The following PRKD1 variants were observed in gnomAD, a reference collection of about 807,000 sequenced individuals.
The protein encoded by PRKD1 is protein kinase D1.
Under a neutral mutation model 95.9 loss-of-function variants are expected in PRKD1, and 63 were observed. The ratio of observed to expected loss-of-function variants is 0.66; its 90% confidence interval spans 0.54 to 0.81. The LOEUF (loss-of-function observed/expected upper bound fraction) is 0.81. PRKD1 is among the 30% of genes least tolerant of loss of function. The pLI is 0.00. For synonymous variants in PRKD1, 425 were observed against 423.1 expected (o/e 1.00, Z -0.05); for missense variants, 1,048 against 1,165.3 (o/e 0.90, Z 1.47).
At chr14:29,648,692 T>C (rs1244459535) in intron 4 of PRKD1, among the ~76,000 whole-genome samples, 4 of 152,144 alleles carry the variant, frequency 2.6e-5, no homozygotes, top group Non-Finnish European at 5.9e-5. Context: ...TCTCGCTCTG[T>C]TGCCCAGGCT....
chr14:29,826,073 CATCA>C (rs753517928), intron 1 of PRKD1, among the ~76,000 whole-genome samples: 8 of 151,234 alleles, frequency 5.3e-5, no homozygotes, highest in South Asian at 4.2e-4. Flanking sequence ...CCTAAATGCC[CATCA>C]ATCAATGAGT....
At chr14:29,920,960 A>G (rs1441531548) in intron 1 of PRKD1, among the ~76,000 whole-genome samples, 4 of 152,134 alleles carry the variant, frequency 2.6e-5, no homozygotes, top group African/African-American at 9.7e-5. Context: ...ATTTCCAAGC[A>G]CCTTCCTTCT....
intron 1 of PRKD1, among the ~76,000 whole-genome samples, chr14:29,727,789 A>G (rs1387735296): frequency 6.6e-6 from 1 of 152,000 alleles, no homozygotes; most frequent in Non-Finnish European, 1.5e-5. Context: ...GACTGGATTA[A>G]GACAATGTGG....
intron 2 of PRKD1, among the ~76,000 whole-genome samples, chr14:29,686,014 C>T (rs1335502256): frequency 1.3e-5 from 2 of 152,020 alleles, no homozygotes; most frequent in African/African-American, 2.4e-5. Context: ...TCCATAGTAA[C>T]AGTATTATAA....
chr14:29,901,510 T>C (rs1894317020), intron 1 of PRKD1, among the ~76,000 whole-genome samples: 1 of 152,266 alleles, frequency 6.6e-6, no homozygotes, highest in South Asian at 2.1e-4. Context: ...TAGTAATCAA[T>C]AGTACAACAG....
intron 4 of PRKD1, among the ~76,000 whole-genome samples, chr14:29,642,397 A>G (rs565014036): frequency 1.3e-5 from 2 of 152,342 alleles, no homozygotes; most frequent in East Asian, 3.9e-4. Context: ...TTTGTTTGAT[A>G]TATCAAGCTA....
In PRKD1 at chr14:29,832,502, A is replaced by G. The variant is rs543498526; in HGVS notation, c.264+94747T>C. ...TTTAGTTTTTTTAATAGTATCCTTT[A>G]TTATACAGAGACTTTACTGGTGGTA... On this transcript the variant is annotated intron_variant, in intron 1 of 17. Transcript: ENST00000331968. Among the ~76,000 whole-genome samples, 3 of 152,068 alleles carry G rather than the reference A, an allele frequency of 2.0e-5. No individual in the cohort carries two copies. In the East Asian group the frequency reaches 5.8e-4, roughly 29 times the overall value.
At chr14:29,648,488 T>A (rs188042502) in intron 4 of PRKD1, among the ~76,000 whole-genome samples, 77 of 152,288 alleles carry the variant, frequency 5.1e-4, no homozygotes, top group African/African-American at 1.7e-3. Context: ...TATTAGAGTC[T>A]TTAAATTATT....
At chr14:29,740,817 A>C (rs187078954) in intron 1 of PRKD1, among the ~76,000 whole-genome samples, 26 of 152,348 alleles carry the variant, frequency 1.7e-4, no homozygotes, top group Admixed American at 1.7e-3. Context: ...TGTTCATTGC[A>C]GCACTATTCA....
chr14:29,920,436 A>G (rs543254775), intron 1 of PRKD1, among the ~76,000 whole-genome samples: 86 of 152,286 alleles, frequency 5.6e-4, no homozygotes, highest in Non-Finnish European at 7.6e-4. Context: ...AAATATAAAA[A>G]CAAAGCAAGG....
At chr14:29,675,974 T>G (rs1215228467) in intron 2 of PRKD1, among the ~76,000 whole-genome samples, 3 of 102,304 alleles carry the variant, frequency 2.9e-5, no homozygotes, top group South Asian at 4.1e-4. Context: ...CATCGGGGCC[T>G]GTCGTGGGGT....
chr14:29,673,865 T>C (rs1162725177), intron 2 of PRKD1, among the ~76,000 whole-genome samples: 1 of 152,184 alleles, frequency 6.6e-6, no homozygotes, highest in Non-Finnish European at 1.5e-5. Context: ...TCAGTAGTGA[T>C]AAAATGCATG....
chr14:29,822,349 A>G (rs1407637317), intron 1 of PRKD1, among the ~76,000 whole-genome samples: 1 of 152,214 alleles, frequency 6.6e-6, no homozygotes. Flanking sequence ...TCTTACGGGC[A>G]TTGCACAATT....
At chr14:29,911,289 A>T (rs970909872) in intron 1 of PRKD1, among the ~76,000 whole-genome samples, 2 of 152,214 alleles carry the variant, frequency 1.3e-5, no homozygotes, top group African/African-American at 4.8e-5. Flanking sequence ...TTTGTAAAGG[A>T]TACCATAATT....
chr14:29,701,486 T>A (rs991808180), intron 2 of PRKD1, among the ~76,000 whole-genome samples: 1 of 152,336 alleles, frequency 6.6e-6, no homozygotes, highest in East Asian at 1.9e-4. Context: ...TGAAATTTTT[T>A]CACAACGAAT....
intron 11 of PRKD1, 41 bp downstream of exon 11, chr14:29,629,000 A>G (rs772214043): frequency 1.5e-6 from 2 of 1,347,804 alleles, no homozygotes; most frequent in Admixed American, 4.8e-5. Context: ...ATTTTCCAGT[A>G]ATCACATTAG....
chr14:29,812,981 A>T (rs894915292), intron 1 of PRKD1, among the ~76,000 whole-genome samples: 1 of 152,046 alleles, frequency 6.6e-6, no homozygotes, highest in Non-Finnish European at 1.5e-5. Flanking sequence ...ATGGTGTCAC[A>T]TGCCTGTGAT....
At position 29,917,630 on chromosome 14, in the gene PRKD1, G is replaced by A. The variant is rs79852838; in HGVS notation, c.264+9619C>T. ...AGATTCTTTTTATTCTATTGTTTAC[G>A]AAAAAGAAAAGAGATACAGCTCTTT... On this transcript the variant is annotated intron_variant, in intron 1 of 17. Transcript: ENST00000331968. 9.3e-3 allele frequency among the ~76,000 whole-genome samples: 1,409 copies of A among 152,078 alleles called. 20 individuals are homozygous for A. Among genetic ancestry groups the A allele is most frequent in the African/African-American group, 0.032 (1,330 of 41,514 alleles).
chr14:29,771,242 A>G (rs1185818550), intron 1 of PRKD1, among the ~76,000 whole-genome samples: 1 of 152,136 alleles, frequency 6.6e-6, no homozygotes, highest in Non-Finnish European at 1.5e-5. Flanking sequence ...GCTGTTCATC[A>G]AGATGATGGA....
Sources: allele counts gnomAD v4.1 joint callset (sites outside exome capture counted in the v4.1 genomes callset), GRCh38; gene constraint gnomAD v4.1.1; transcripts MANE v1.5; gene names NCBI Gene and HGNC (gene_info 2026-07-23, HGNC 2026-07-21).